UBE2H: variants seen among roughly 807,000 people sequenced by gnomAD.
UBE2H encodes ubiquitin conjugating enzyme E2 H.
Under a neutral mutation model 29.0 loss-of-function variants are expected in UBE2H, and 3 were observed. That is an observed-to-expected ratio of 0.10 (90% CI 0.05 to 0.27). UBE2H has a LOEUF of 0.27. UBE2H is among the 10% of genes least tolerant of loss of function. The probability of loss-of-function intolerance (pLI) is 1.00; values close to 1 mark genes in which losing one functional copy is unlikely to be tolerated. For missense variants in UBE2H, 68 were observed against 228.2 expected, an observed-to-expected ratio of 0.30 and a Z score of 4.52; for synonymous variants, 69 against 82.9, an observed-to-expected ratio of 0.83 and a Z score of 0.91.
At chr7:129,948,880 C>T (rs1034331065) in intron 1 of UBE2H, 10 of 334,494 alleles carry the variant, frequency 3.0e-5, no homozygotes, top group African/African-American at 2.1e-4. Flanking sequence ...CGAAAACACA[C>T]TTGTTCCTGT....
chr7:129,898,632 G>A (rs1271836586), intron 1 of UBE2H, among the ~76,000 whole-genome samples: 1 of 152,148 alleles, frequency 6.6e-6, no homozygotes, highest in East Asian at 1.9e-4. Context: ...AAACTATTGA[G>A]TTTCCTTCTC....
At position 129,940,976 on chromosome 7, in the gene UBE2H, A is replaced by G. The variant is rs531467507; in HGVS notation, c.53+11527T>C. ...CAAACTGGAATCTTTTTTTTTGGAG[A>G]CGGAGTCACAGTCTGTTGCCCAGGC... On this transcript the variant is annotated intron_variant, in intron 1 of 6. Coordinates refer to ENST00000355621, the MANE Select transcript of UBE2H (RefSeq NM_003344.4). 2.0e-5 allele frequency among the ~76,000 whole-genome samples: 3 copies of G among 152,170 alleles called. No individual in the cohort carries two copies. The South Asian group carries it at 6.2e-4, about 32-fold the overall frequency.
chr7:129,850,960 C>T (rs2116298657), intron 5 of UBE2H, among the ~76,000 whole-genome samples: 2 of 152,112 alleles, frequency 1.3e-5, no homozygotes, highest in South Asian at 4.2e-4. Context: ...ATGCAGGGTG[C>T]TGAAACTGGG....
intron 1 of UBE2H, among the ~76,000 whole-genome samples, chr7:129,944,855 T>C (rs1185738188): frequency 2.6e-5 from 4 of 151,906 alleles, no homozygotes; most frequent in South Asian, 2.1e-4. Context: ...TTACTGGTAA[T>C]AGCCCAAAAC....
At chr7:129,879,670 G>C (rs1186584192) in intron 2 of UBE2H, 28 bp from the exon 3 acceptor site, 1 of 1,563,620 alleles carries the variant, frequency 6.4e-7, no homozygotes, top group African/African-American at 1.4e-5. Context: ...ATGTTCATCA[G>C]AACTACATCT....
intron 1 of UBE2H, among the ~76,000 whole-genome samples, chr7:129,919,881 G>A (rs12540479): frequency 0.062 from 9,479 of 152,266 alleles, 364 homozygotes; most frequent in Non-Finnish European, 0.091. Flanking sequence ...CCATCAGATA[G>A]GCAAAATGTT....
intron 1 of UBE2H, among the ~76,000 whole-genome samples, chr7:129,921,680 AAG>A (rs1420252852): frequency 1.4e-5 from 2 of 146,588 alleles, no homozygotes; most frequent in Non-Finnish European, 3.0e-5. Context: ...CCTGGGCAAC[AAG>A]AGACTCTGTC....
chr7:129,912,153 C>A (rs1202124100), intron 1 of UBE2H, among the ~76,000 whole-genome samples: 1 of 152,146 alleles, frequency 6.6e-6, no homozygotes, highest in Non-Finnish European at 1.5e-5. Flanking sequence ...TTTACTGGAA[C>A]ACGCCATGCC....
In UBE2H at chr7:129,834,630, G is replaced by A. The variant is rs79311060; in HGVS notation, c.*307C>T. On this transcript the variant is annotated 3_prime_UTR_variant, in exon 7 of 7. Coordinates refer to ENST00000355621, the MANE Select transcript of UBE2H (RefSeq NM_003344.4). ...TTTTTACTCACATCTACCTATCAGA[G>A]CGGCTATTTCCTTCGACAGTTCAGT... 0.012 allele frequency: 2,494 copies of A among 203,426 alleles called. 103 individuals are homozygous for A. Among genetic ancestry groups the A allele is most frequent in the East Asian group, 0.12 (1,028 of 8,424 alleles). The allele number at this position is 203,426 out of a possible 1,614,324, so 12.6% of individuals were successfully genotyped here. A position where few individuals can be genotyped will look rare whatever the true frequency, so the allele number is the denominator to read the frequency against.
chr7:129,934,941 A>G (rs1389641658), intron 1 of UBE2H, among the ~76,000 whole-genome samples: 8 of 149,868 alleles, frequency 5.3e-5, no homozygotes, highest in Non-Finnish European at 1.0e-4. Flanking sequence ...GTATATATAT[A>G]TATATGTGTG....
chr7:129,926,347 TAA>T (rs1807270019), intron 1 of UBE2H, among the ~76,000 whole-genome samples: 1 of 151,612 alleles, frequency 6.6e-6, no homozygotes, highest in Non-Finnish European at 1.5e-5. Flanking sequence ...CCTTCTCTAC[TAA>T]AAATACAAAA....
In UBE2H at chr7:129,830,901, A is replaced by T. The variant is rs1805213623; in HGVS notation, c.*4036T>A. 6.6e-6 allele frequency: 1 copy of T among 150,570 alleles called. No individual in the cohort carries two copies. The highest frequency in any genetic ancestry group is 6.7e-5 in the Admixed American group (1 of 14,998). 9.3% of individuals were successfully genotyped at this position (150,570 alleles called of 1,614,324 possible). A position where few individuals can be genotyped will look rare whatever the true frequency, so the allele number is the denominator to read the frequency against. ...GGGAGGAGACAGGGCGAGGAAAAATAAGCGATAAAAAGCTTCAGATTTCAG... is the reference window on the plus strand; with the variant it reads ...GGGAGGAGACAGGGCGAGGAAAAATTAGCGATAAAAAGCTTCAGATTTCAG... On this transcript the variant is annotated 3_prime_UTR_variant, in exon 7 of 7. Transcript: ENST00000355621.
Position 129,926,504 on chromosome 7 carries a change from G to A in UBE2H, c.53+25999C>T, listed in dbSNP as rs1292575830. Among the ~76,000 whole-genome samples the A allele has an allele frequency of 8.5e-5, 12 of 140,490 alleles. 1 individual carries two copies. The highest frequency in any genetic ancestry group is 1.5e-4 in the Admixed American group (2 of 13,656). 92.2% of individuals were successfully genotyped at this position (140,490 alleles called of 152,430 possible). ...GCCTGGGCAACAAGAGCTAAACTCC[G>A]TCTCAAAAAAAAAAAAAGAAAAAAG... On this transcript the variant is annotated intron_variant, in intron 1 of 6. Coordinates refer to ENST00000355621, the MANE Select transcript of UBE2H (RefSeq NM_003344.4).
chr7:129,881,130 T>C (rs955740210), intron 1 of UBE2H, among the ~76,000 whole-genome samples, 159 bp from the exon 2 acceptor site: 4 of 152,212 alleles, frequency 2.6e-5, no homozygotes, highest in African/African-American at 4.8e-5. Context: ...AGGCAATATA[T>C]ACTCTTGTAA....
At chr7:129,950,248 T>C (rs1457172259) in intron 1 of UBE2H, among the ~76,000 whole-genome samples, 1 of 152,132 alleles carries the variant, frequency 6.6e-6, no homozygotes, top group Non-Finnish European at 1.5e-5. Context: ...GAAACTGTTA[T>C]CCTCCTATCT....
At chr7:129,861,760 G>A (rs1805807708) in intron 3 of UBE2H, among the ~76,000 whole-genome samples, 1 of 151,952 alleles carries the variant, frequency 6.6e-6, no homozygotes, top group Non-Finnish European at 1.5e-5. Context: ...GGCATGTGGC[G>A]CCCACCTGTA....
intron 1 of UBE2H, among the ~76,000 whole-genome samples, chr7:129,891,969 T>C (rs1806501372): frequency 2.0e-5 from 3 of 150,730 alleles, no homozygotes; most frequent in Admixed American, 2.0e-4. Context: ...TTTTTTTTTT[T>C]TGAGACGGAG....
intron 3 of UBE2H, among the ~76,000 whole-genome samples, chr7:129,875,237 T>C (rs1010752715): frequency 2.0e-5 from 3 of 152,230 alleles, no homozygotes; most frequent in South Asian, 4.1e-4. Context: ...ATCAATAGTT[T>C]GGCATTCAAA....
chr7:129,948,403 C>A (rs959201058), intron 1 of UBE2H, among the ~76,000 whole-genome samples: 1 of 152,182 alleles, frequency 6.6e-6, no homozygotes. Flanking sequence ...TAACTCAGGC[C>A]GTTTTAATGT....
Sources: gnomAD v4.1 joint callset for allele counts (sites outside exome capture counted in the v4.1 genomes callset) on GRCh38, gnomAD v4.1.1 for gene constraint, MANE v1.5 for transcripts, NCBI Gene and HGNC (gene_info 2026-07-23, HGNC 2026-07-21) for gene names.